IQGAP1: variants seen among roughly 807,000 people sequenced by gnomAD.
The protein encoded by IQGAP1 is IQ motif containing GTPase activating protein 1, also known as ras GTPase-activating-like protein IQGAP1.
In IQGAP1, 66 loss-of-function variants were observed where a neutral mutation model predicts 215.6. That is an observed-to-expected ratio of 0.31 (90% CI 0.25 to 0.38). The LOEUF (loss-of-function observed/expected upper bound fraction) is 0.38, where lower values mean the gene tolerates loss of function less well. Among genes scored for constraint, IQGAP1 ranks in the 10% least tolerant of loss-of-function variants. The pLI is 1.00. For synonymous variants in IQGAP1, 772 were observed against 728.7 expected, an observed-to-expected ratio of 1.06 and a Z score of -0.96; for missense variants, 1,712 against 1,997.1, an observed-to-expected ratio of 0.86 and a Z score of 2.72.
intron 1 of IQGAP1, among the ~76,000 whole-genome samples, chr15:90,389,924 G>T (rs893480766): frequency 1.2e-4 from 18 of 148,420 alleles, no homozygotes; most frequent in African/African-American, 2.5e-4. Context: ...CACTGCACTC[G>T]AGCCGGAGTG....
chr15:90,412,736 A>G (rs1372086020), intron 2 of IQGAP1, among the ~76,000 whole-genome samples: 1 of 152,150 alleles, frequency 6.6e-6, no homozygotes, highest in Non-Finnish European at 1.5e-5. Context: ...AATTGTGGAG[A>G]AAGACAGCCA....
rs1323021358 is a variant in IQGAP1 at position 90,501,863 on chromosome 15, G to A, written c.*1755G>A. On this transcript the variant is annotated 3_prime_UTR_variant, in exon 38 of 38. Coordinates refer to ENST00000268182, the MANE Select transcript of IQGAP1 (RefSeq NM_003870.4). The stretch of plus-strand genomic sequence containing the variant: ...CCACATCCAAGACAGGCAATAATGA[G>A]CAGAGTTTACAGCTCCTTTAATAAA... The A allele has an allele frequency of 6.6e-6, 1 of 152,126 alleles. No individual in the cohort carries two copies. Among genetic ancestry groups the A allele is most frequent in the Non-Finnish European group, 1.5e-5 (1 of 68,042 alleles). 9.4% of individuals were successfully genotyped at this position (152,126 alleles called of 1,614,324 possible).
intron 37 of IQGAP1, among the ~76,000 whole-genome samples, chr15:90,499,575 T>G (rs16944529): frequency 0.21 from 32,623 of 152,150 alleles, 4,713 homozygotes; most frequent in African/African-American, 0.41. Context: ...TATTTCATCA[T>G]AGGTTTAAAT....
Position 90,494,728 on chromosome 15 carries a change from T to C in IQGAP1, c.4644T>C (p.Pro1548=). The change falls in exon 36 of 38, where the codon CCT becomes CCC. Residue 1548 remains proline, a synonymous_variant. Coordinates refer to ENST00000268182, the MANE Select transcript of IQGAP1 (RefSeq NM_003870.4). The part of the protein sequence containing the change: ...LASKGKVSKK[P]REMKGKKSKK... ...ATTTTTACAGAGTCTCCAAAAAGCC[T>C]AGGGAAATGAAAGGAAAGAAAAGCA... 1.9e-6 allele frequency: 3 copies of C among 1,609,526 alleles called. No individual in the cohort carries two copies. Among genetic ancestry groups the C allele is most frequent in the Non-Finnish European group, 1.7e-6 (2 of 1,177,626 alleles).
intron 2 of IQGAP1, among the ~76,000 whole-genome samples, chr15:90,399,663 G>A (rs982788912): frequency 2.0e-5 from 3 of 151,938 alleles, no homozygotes; most frequent in Non-Finnish European, 4.4e-5. Context: ...TTTAATAATC[G>A]ATTGGCTTAC....
At chr15:90,435,947 A>G (rs1262454049) in intron 5 of IQGAP1, among the ~76,000 whole-genome samples, 3 of 152,158 alleles carry the variant, frequency 2.0e-5, no homozygotes, top group Non-Finnish European at 4.4e-5. Context: ...CTTTTACCAC[A>G]AAACACAGCC....
chr15:90,462,650 G>A (rs192194702), intron 15 of IQGAP1, among the ~76,000 whole-genome samples: 1 of 152,208 alleles, frequency 6.6e-6, no homozygotes, highest in Non-Finnish European at 1.5e-5. Flanking sequence ...GTGTGTGAGT[G>A]TGTGCTTTCC....
chr15:90,439,496 T>G, intron 6 of IQGAP1, 97 bp downstream of exon 6: 1 of 861,972 alleles, frequency 1.2e-6, no homozygotes, highest in Admixed American at 2.3e-5. Context: ...GCTTTAAAAA[T>G]ACACTGGCAG....
intron 36 of IQGAP1, among the ~76,000 whole-genome samples, chr15:90,496,364 T>C (rs62021775): frequency 0.19 from 26,233 of 137,766 alleles, 3,165 homozygotes; most frequent in African/African-American, 0.35. Context: ...ATCACCAGAC[T>C]GGACTGCAGT....
intron 29 of IQGAP1, among the ~76,000 whole-genome samples, chr15:90,483,998 T>G (rs931874098): frequency 3.3e-5 from 5 of 152,148 alleles, no homozygotes; most frequent in African/African-American, 1.2e-4. Context: ...GGTGCAATGG[T>G]TCTTATGGGT....
chr15:90,449,278 C>T (rs1183169891), intron 10 of IQGAP1, among the ~76,000 whole-genome samples: 2 of 152,030 alleles, frequency 1.3e-5, no homozygotes, highest in Non-Finnish European at 1.5e-5. Context: ...GTAGCATTAA[C>T]GTGCTTAAGA....
At chr15:90,391,003 G>T in intron 2 of IQGAP1, 130 bp downstream of exon 2, 1 of 628,122 alleles carries the variant, frequency 1.6e-6, no homozygotes. Flanking sequence ...GGAGGCCGAG[G>T]TGGGGGGGAA....
chr15:90,443,725 T>C (rs1965485039), intron 9 of IQGAP1, among the ~76,000 whole-genome samples: 1 of 152,218 alleles, frequency 6.6e-6, no homozygotes, highest in South Asian at 2.1e-4. Context: ...ACAGTTTCAC[T>C]CTTTCACCCT....
chr15:90,441,049 G>C (rs949092505), intron 7 of IQGAP1, among the ~76,000 whole-genome samples: 2 of 151,788 alleles, frequency 1.3e-5, no homozygotes, highest in Non-Finnish European at 2.9e-5. Context: ...AGAGGTTGCA[G>C]TGAGCCGAGA....
chr15:90,397,087 A>G (rs1214903485), intron 2 of IQGAP1, among the ~76,000 whole-genome samples: 1 of 152,094 alleles, frequency 6.6e-6, no homozygotes, highest in Admixed American at 6.6e-5. Flanking sequence ...TCCTGACCTC[A>G]AGTGATCCAC....
chr15:90,495,663 T>TC (rs1191852647), intron 36 of IQGAP1, among the ~76,000 whole-genome samples: 1 of 148,388 alleles, frequency 6.7e-6, no homozygotes, highest in African/African-American at 2.4e-5. Flanking sequence ...TTTTTTTTTT[T>TC]CACGGAGTCT....
chr15:90,425,341 C>G (rs749500099), intron 2 of IQGAP1, among the ~76,000 whole-genome samples: 1 of 152,040 alleles, frequency 6.6e-6, no homozygotes, highest in Non-Finnish European at 1.5e-5. Context: ...AAAAAAAAAC[C>G]ATTGCCATAA....
chr15:90,499,048 C>T (rs1455567425), intron 37 of IQGAP1, among the ~76,000 whole-genome samples: 1 of 152,098 alleles, frequency 6.6e-6, no homozygotes, highest in Non-Finnish European at 1.5e-5. Context: ...TAACTCGTGA[C>T]TTCGTGATCC....
intron 9 of IQGAP1, among the ~76,000 whole-genome samples, chr15:90,444,289 A>G (rs58050157): frequency 8.5e-6 from 1 of 117,406 alleles, no homozygotes; most frequent in African/African-American, 3.7e-5. Context: ...GTATATATAT[A>G]TTTTTTTTTT....
Sources: allele counts gnomAD v4.1 joint callset (sites outside exome capture counted in the v4.1 genomes callset), GRCh38; gene constraint gnomAD v4.1.1; transcripts MANE v1.5; gene names NCBI Gene and HGNC (gene_info 2026-07-23, HGNC 2026-07-21).